TAF2: variants seen among roughly 807,000 people sequenced by gnomAD.
The protein encoded by TAF2 is TATA-box binding protein associated factor 2.
Under a neutral mutation model 138.5 loss-of-function variants are expected in TAF2, and 61 were observed. The observed-to-expected ratio is 0.44, with a 90% CI of 0.36 to 0.54. The LOEUF is 0.54. TAF2 is among the 20% of genes least tolerant of loss of function. The pLI is 0.00. For synonymous variants in TAF2, 475 were observed against 469.9 expected (o/e 1.01, Z -0.14); for missense variants, 1,090 against 1,427.9 (o/e 0.76, Z 3.81).
intron 16 of TAF2, among the ~76,000 whole-genome samples, chr8:119,781,988 GA>G (rs796739394): frequency 6.6e-6 from 1 of 151,990 alleles, no homozygotes. Flanking sequence ...GCACTCGGCC[GA>G]AAAAATTCTT....
At chr8:119,780,532 G>A (rs1822566939) in intron 17 of TAF2, among the ~76,000 whole-genome samples, 1 of 152,044 alleles carries the variant, frequency 6.6e-6, no homozygotes, top group Non-Finnish European at 1.5e-5. Flanking sequence ...CAACCAAAAA[G>A]GCAAATTAAA....
chr8:119,742,952 C>T (rs1484450948), intron 24 of TAF2, among the ~76,000 whole-genome samples: 8 of 151,820 alleles, frequency 5.3e-5, no homozygotes, highest in Non-Finnish European at 7.4e-5. Context: ...GCCTGTAGTC[C>T]CAGCTACTTG....
At chr8:119,755,363 G>A (rs575807953) in intron 22 of TAF2, among the ~76,000 whole-genome samples, 6 of 152,260 alleles carry the variant, frequency 3.9e-5, no homozygotes, top group African/African-American at 1.4e-4. Context: ...CGGGCATGGT[G>A]GCACATGCCT....
intron 10 of TAF2, 176 bp from the exon 11 acceptor site, chr8:119,791,635 T>C (rs1323086010): frequency 3.0e-6 from 2 of 665,524 alleles, no homozygotes; most frequent in Non-Finnish European, 4.8e-6. Context: ...TATGAAGTTT[T>C]ACTTAAGGAC....
In TAF2 at chr8:119,758,022, G is replaced by A. The variant is rs116732905; in HGVS notation, c.2768+51C>T. The A allele has an allele frequency of 1.8e-3, 2,582 of 1,454,038 alleles. 33 individuals are homozygous for A. The African/African-American group carries it at 0.032, about 18-fold the overall frequency. The allele number at this position is 1,454,038 out of a possible 1,614,324, so 90.1% of individuals were successfully genotyped here. On this transcript the variant is annotated intron_variant, in intron 21 of 25. Transcript: ENST00000378164. The stretch of plus-strand genomic sequence containing the variant: ...TTTATGTGTAATCTGAAATTACTCA[G>A]TTCACTATAGGACTTACAAAATATC...
intron 2 of TAF2, among the ~76,000 whole-genome samples, chr8:119,826,828 C>A (rs1348558948): frequency 6.6e-6 from 1 of 152,068 alleles, no homozygotes; most frequent in Non-Finnish European, 1.5e-5. Flanking sequence ...CCTGACCTTA[C>A]ACCAGCCTCG....
chr8:119,756,166 CTA>C, intron 21 of TAF2, 51 bp from the exon 22 acceptor site: 1 of 1,298,228 alleles, frequency 7.7e-7, no homozygotes, highest in Middle Eastern at 1.8e-4. Context: ...CTGACAGATG[CTA>C]TGAGTAGGAG....
Position 119,788,653 on chromosome 8 carries a change from A to G in TAF2, c.1683+137T>C, listed in dbSNP as rs1047613020. On this transcript the variant is annotated intron_variant, in intron 13 of 25. Coordinates refer to ENST00000378164, the MANE Select transcript of TAF2 (RefSeq NM_003184.4). ...TCTGTACTTCCTCTTCCCTTCTTTG[A>G]CAAAGTCAATGTTTTCTCAATTTAT... is the stretch of plus-strand genomic sequence containing the variant. 6.2e-6 allele frequency: 5 copies of G among 811,528 alleles called. No individual in the cohort carries two copies. In the African/African-American group the frequency reaches 8.5e-5, roughly 14 times the overall value. 50.3% of individuals were successfully genotyped at this position (811,528 alleles called of 1,614,324 possible).
chr8:119,785,817 G>T (rs1277906341), intron 14 of TAF2, among the ~76,000 whole-genome samples: 1 of 152,168 alleles, frequency 6.6e-6, no homozygotes, highest in Non-Finnish European at 1.5e-5. Context: ...CAGGAACAGA[G>T]AAAACTTTTC....
intron 7 of TAF2, among the ~76,000 whole-genome samples, 180 bp from the exon 8 acceptor site, chr8:119,797,283 G>A (rs1431657294): frequency 2.0e-5 from 3 of 152,020 alleles, no homozygotes; most frequent in Admixed American, 6.6e-5. Flanking sequence ...TTAAAGCAAA[G>A]AACACATTTT....
rs778230755 is a variant in TAF2, at chr8:119,796,970, T to C, written c.1091+20A>G. ...AAACTTGATTCTCTTCTCAGTAGTA[T>C]GAACTTTCAGGTCACTCACCAAGAC... On this transcript the variant is annotated intron_variant, in intron 8 of 25. Transcript: ENST00000378164. The C allele has an allele frequency of 1.3e-6, 2 of 1,520,088 alleles. No homozygotes were observed. Among genetic ancestry groups the C allele is most frequent in the Admixed American group, 3.3e-5 (2 of 59,842 alleles). The allele number at this position is 1,520,088 out of a possible 1,614,324, so 94.2% of individuals were successfully genotyped here.
chr8:119,778,040 GTACTT>G lies in TAF2; in HGVS notation c.2338_2342del (p.Lys780GlnfsTer2). 1 of 1,544,596 alleles carries G rather than the reference GTACTT, an allele frequency of 6.5e-7. No homozygotes were observed. Among genetic ancestry groups the G allele is most frequent in the Non-Finnish European group, 8.9e-7 (1 of 1,121,780 alleles). On this transcript the variant is annotated frameshift_variant, in exon 18 of 26. Coordinates refer to ENST00000378164, the MANE Select transcript of TAF2 (RefSeq NM_003184.4). LOFTEE classifies it high-confidence loss of function. Reference sequence around the variant, plus strand: ...TCACCTTATTTTTCCTGTTGTCATTGTACTTGATTAAGTCTAAAATAAATGTTAAG... The same window carrying G: ...TCACCTTATTTTTCCTGTTGTCATTGGATTAAGTCTAAAATAAATGTTAAG...
chr8:119,811,639 T>C (rs1334035554), intron 3 of TAF2, among the ~76,000 whole-genome samples: 1 of 151,490 alleles, frequency 6.6e-6, no homozygotes, highest in Non-Finnish European at 1.5e-5. Flanking sequence ...ACCCCGTCTC[T>C]ACTAAAAATA....
Position 119,811,556 on chromosome 8 carries a change from C to A in TAF2, c.300-5155G>T, listed in dbSNP as rs1312304441. Among the ~76,000 whole-genome samples, 4 of 152,172 alleles carry A rather than the reference C, an allele frequency of 2.6e-5. No homozygotes were observed. In the East Asian group the frequency reaches 7.8e-4, roughly 30 times the overall value. On this transcript the variant is annotated intron_variant, in intron 3 of 25. Transcript: ENST00000378164. The stretch of plus-strand genomic sequence containing the variant: ...GCACGGTGGCTCACGCCTGTAATCC[C>A]AGCACTTTGGGAGGCCGAGGCGGGC...
chr8:119,813,905 CAGG>C (rs1471943226), intron 3 of TAF2, among the ~76,000 whole-genome samples: 1 of 152,008 alleles, frequency 6.6e-6, no homozygotes, highest in Non-Finnish European at 1.5e-5. Flanking sequence ...CACTTGAGGC[CAGG>C]AGTTCAAAAC....
chr8:119,779,643 G>C (rs1342826408), intron 17 of TAF2, among the ~76,000 whole-genome samples: 2 of 152,118 alleles, frequency 1.3e-5, no homozygotes, highest in African/African-American at 2.4e-5. Context: ...AATCTGTCCT[G>C]ATTAGATTTA....
rs1431478656 is a variant in TAF2 at position 119,730,841 on chromosome 8, C to A, written c.*1083G>T. 1 of 152,084 alleles carries A rather than the reference C, an allele frequency of 6.6e-6. No homozygotes were observed. The highest frequency in any genetic ancestry group is 1.5e-5 in the Non-Finnish European group (1 of 68,002). 9.4% of individuals were successfully genotyped at this position (152,084 alleles called of 1,614,324 possible). A position where few individuals can be genotyped will look rare whatever the true frequency, so the allele number is the denominator to read the frequency against. On this transcript the variant is annotated 3_prime_UTR_variant, in exon 26 of 26. Transcript: ENST00000378164. ...AAAGTATATTTAGAGGTCCAAGATT[C>A]AAGTATTTTTGTCAAACTTTCTAAT...
rs1323732591 is a variant in TAF2 at position 119,799,731 on chromosome 8, T to A, written c.793-1885A>T. Among the ~76,000 whole-genome samples, 187 of 152,214 alleles carry A rather than the reference T, an allele frequency of 1.2e-3. 1 individual carries two copies. The highest frequency in any genetic ancestry group is 4.3e-3 in the African/African-American group (179 of 41,480). ...AGATCCTTGAGGAATTGCCACACTG[T>A]CTTCCACGATGGTTGAACTAGTTTA... On this transcript the variant is annotated intron_variant, in intron 6 of 25. Transcript: ENST00000378164.
Position 119,789,893 on chromosome 8 carries a change from T to C in TAF2, c.1414-147A>G, listed in dbSNP as rs1823298148. 5 of 801,930 alleles carry C rather than the reference T, an allele frequency of 6.2e-6. No homozygotes were observed. The Admixed American group carries it at 1.0e-4, about 16-fold the overall frequency. The allele number at this position is 801,930 out of a possible 1,614,324, so 49.7% of individuals were successfully genotyped here. A position where few individuals can be genotyped will look rare whatever the true frequency, so the allele number is the denominator to read the frequency against. On this transcript the variant is annotated intron_variant, in intron 11 of 25. Transcript: ENST00000378164. ...TTACACAGATTATTCTAAAGACTAC[T>C]AGCAATAGAAATATGCAAAGATATA...
Sources: allele counts gnomAD v4.1 joint callset (sites outside exome capture counted in the v4.1 genomes callset), GRCh38; gene constraint gnomAD v4.1.1; transcripts MANE v1.5; gene names NCBI Gene and HGNC (gene_info 2026-07-23, HGNC 2026-07-21).